CSMD1: variants seen among roughly 807,000 people sequenced by gnomAD.
CSMD1 encodes the protein CUB and Sushi multiple domains 1, also known as CUB and sushi domain-containing protein 1.
Under a neutral mutation model 417.5 loss-of-function variants are expected in CSMD1, and 213 were observed. The ratio of observed to expected loss-of-function variants is 0.51; its 90% CI spans 0.46 to 0.57. CSMD1 has a LOEUF of 0.57. CSMD1 is among the 20% of genes least tolerant of loss of function. The pLI, the probability that CSMD1 is intolerant of heterozygous loss-of-function variation, is 0.00. For missense variants in CSMD1, 6,923 were observed against 4,529.7 expected, an observed-to-expected ratio of 1.53 and a Z score of -15.17; for synonymous variants, 2,862 against 1,736.8, an observed-to-expected ratio of 1.65 and a Z score of -16.11.
intron 1 of CSMD1, among the ~76,000 whole-genome samples, chr8:4,941,264 T>C (rs1403573541): frequency 9.0e-6 from 1 of 111,436 alleles, no homozygotes; most frequent in Non-Finnish European, 2.1e-5. Flanking sequence ...TCAAACACAG[T>C]AACATTCTTT....
chr8:3,890,814 T>G (rs569790048), intron 5 of CSMD1, among the ~76,000 whole-genome samples: 4 of 152,198 alleles, frequency 2.6e-5, no homozygotes, highest in African/African-American at 7.2e-5. Flanking sequence ...TAAAATATAG[T>G]AATATCTGTT....
chr8:3,712,563 C>A (rs1175489817), intron 6 of CSMD1, among the ~76,000 whole-genome samples: 1 of 152,146 alleles, frequency 6.6e-6, no homozygotes, highest in Non-Finnish European at 1.5e-5. Flanking sequence ...ATTCTCAGAT[C>A]TTCGAATGAA....
In CSMD1 at chr8:3,369,343, T is replaced by C; in HGVS notation, c.2810A>G (p.Lys937Arg). 6.3e-7 allele frequency: 1 copy of C among 1,593,660 alleles called. No individual in the cohort carries two copies. Among genetic ancestry groups the C allele is most frequent in the Non-Finnish European group, 8.6e-7 (1 of 1,162,066 alleles). The change falls in exon 19 of 70, where the codon AAG (lysine) becomes AGG (arginine). Residue 937 changes from lysine (K) to arginine (R), a missense_variant. Physicochemically the swap from Lys to Arg is conservative, Grantham distance 26. Transcript: ENST00000635120. ...CCCAGGAGAAAGGACTGTTCCACTC[T>C]TCCCTTGGATGTAGCCTCCACATAG... ...DALCGGYIQG[K>R]SGTVLSPGFP...
chr8:4,053,240 A>G (rs1472758606), intron 3 of CSMD1, among the ~76,000 whole-genome samples: 1 of 152,212 alleles, frequency 6.6e-6, no homozygotes, highest in Admixed American at 6.5e-5. Flanking sequence ...GTGTGTTTAG[A>G]ACTTAGACTA....
intron 3 of CSMD1, among the ~76,000 whole-genome samples, chr8:4,120,059 T>A (rs141650451): frequency 6.6e-6 from 1 of 152,158 alleles, no homozygotes; most frequent in Non-Finnish European, 1.5e-5. Context: ...CAGAGTATAA[T>A]TGGATTATTT....
intron 5 of CSMD1, among the ~76,000 whole-genome samples, chr8:3,887,512 T>C (rs1271550897): frequency 6.6e-6 from 1 of 152,206 alleles, no homozygotes; most frequent in Non-Finnish European, 1.5e-5. Context: ...GAGTTGCCTG[T>C]TTTTGTAAAC....
chr8:4,018,686 T>G (rs1200529857), intron 4 of CSMD1, among the ~76,000 whole-genome samples: 1 of 152,238 alleles, frequency 6.6e-6, no homozygotes, highest in Non-Finnish European at 1.5e-5. Flanking sequence ...TTCTCAATTT[T>G]AAGTTAGGTT....
At chr8:3,042,386 C>G (rs1198216518) in intron 50 of CSMD1, among the ~76,000 whole-genome samples, 1 of 152,158 alleles carries the variant, frequency 6.6e-6, no homozygotes, top group African/African-American at 2.4e-5. Flanking sequence ...TACCTCCTAT[C>G]TAGCACAGAG....
chr8:4,142,537 C>A (rs886235877), intron 3 of CSMD1, among the ~76,000 whole-genome samples: 7 of 151,232 alleles, frequency 4.6e-5, no homozygotes, highest in Non-Finnish European at 8.8e-5. Context: ...AGTTTAGCAA[C>A]ATGTTCAGAC....
At chr8:3,949,028 T>G (rs1811428810) in intron 5 of CSMD1, among the ~76,000 whole-genome samples, 1 of 152,302 alleles carries the variant, frequency 6.6e-6, no homozygotes, top group Admixed American at 6.5e-5. Context: ...AACTAGAATT[T>G]TCTAATTCAT....
intron 67 of CSMD1, among the ~76,000 whole-genome samples, 199 bp downstream of exon 67, chr8:2,950,032 T>G (rs188488097): frequency 1.3e-5 from 2 of 152,162 alleles, no homozygotes; most frequent in African/African-American, 4.8e-5. Flanking sequence ...GTTCATTGCT[T>G]ACTTCTTAGA....
chr8:4,748,244 G>C (rs1311727544), intron 1 of CSMD1, among the ~76,000 whole-genome samples: 1 of 152,162 alleles, frequency 6.6e-6, no homozygotes, highest in Non-Finnish European at 1.5e-5. Flanking sequence ...AGCAATTCAA[G>C]CAACCGATTA....
intron 3 of CSMD1, among the ~76,000 whole-genome samples, chr8:4,357,577 G>C (rs959091219): frequency 6.6e-6 from 1 of 152,060 alleles, no homozygotes; most frequent in African/African-American, 2.4e-5. Context: ...ATTCTCCATG[G>C]TCTGCTTAGT....
In CSMD1 at chr8:3,737,568, ATCC is replaced by A. The variant is rs576173166; in HGVS notation, c.931+16359_931+16361del. On this transcript the variant is annotated intron_variant, in intron 6 of 69. Transcript: ENST00000635120. ...AATCTCCTTGCACAGAGTAGCATAT[ATCC>A]TCCTATGTCATTTAAAACACTGTCA... Among the ~76,000 whole-genome samples, 504 of 152,318 alleles carry A rather than the reference ATCC, an allele frequency of 3.3e-3. 3 individuals are homozygous for A. Among genetic ancestry groups the A allele is most frequent in the African/African-American group, 0.012 (494 of 41,572 alleles).
intron 5 of CSMD1, among the ~76,000 whole-genome samples, chr8:3,863,886 G>C (rs995240833): frequency 8.8e-4 from 134 of 152,210 alleles, no homozygotes; most frequent in African/African-American, 3.1e-3. Flanking sequence ...AGATTCGTAT[G>C]ATGACTATAA....
chr8:4,556,913 C>T (rs1293690423), intron 2 of CSMD1, among the ~76,000 whole-genome samples: 1 of 152,108 alleles, frequency 6.6e-6, no homozygotes, highest in Non-Finnish European at 1.5e-5. Context: ...TGAAATAATT[C>T]TTGCCCCAGC....
intron 1 of CSMD1, among the ~76,000 whole-genome samples, chr8:4,889,423 G>A (rs1449640174): frequency 6.6e-6 from 1 of 152,216 alleles, no homozygotes; most frequent in East Asian, 1.9e-4. Flanking sequence ...TCCTGGCTGG[G>A]AAAAGTAGCC....
chr8:3,402,136 G>A (rs894748514), intron 15 of CSMD1, among the ~76,000 whole-genome samples: 1 of 152,038 alleles, frequency 6.6e-6, no homozygotes, highest in African/African-American at 2.4e-5. Context: ...TGTTATGAAG[G>A]ATGCAGCCTG....
At chr8:3,552,668 C>T (rs1267036608) in intron 10 of CSMD1, among the ~76,000 whole-genome samples, 2 of 152,160 alleles carry the variant, frequency 1.3e-5, no homozygotes, top group Non-Finnish European at 2.9e-5. Flanking sequence ...GTATTCACAT[C>T]AACATTGTTC....
Sources: gnomAD v4.1 joint callset for allele counts (sites outside exome capture counted in the v4.1 genomes callset) on GRCh38, gnomAD v4.1.1 for gene constraint, MANE v1.5 for transcripts, NCBI Gene and HGNC (gene_info 2026-07-23, HGNC 2026-07-21) for gene names.